Variants in NBEA observed in about 807,000 individuals in gnomAD.
NBEA encodes the protein neurobeachin.
In NBEA, 44 loss-of-function variants were observed where a neutral mutation model predicts 343.4. The ratio of observed to expected loss-of-function variants is 0.13; its 90% confidence interval spans 0.10 to 0.16. The LOEUF (loss-of-function observed/expected upper bound fraction) is 0.16. Among genes scored for constraint, NBEA ranks in the 10% least tolerant of loss-of-function variants. The pLI is 1.00. For synonymous variants in NBEA, 1,175 were observed against 1,238.7 expected (o/e 0.95, Z 1.08); for missense variants, 2,555 against 3,631.3 (o/e 0.70, Z 7.62).
At chr13:35,591,491 A>G (rs1018473726) in intron 46 of NBEA, among the ~76,000 whole-genome samples, 1 of 152,070 alleles carries the variant, frequency 6.6e-6, no homozygotes, top group Non-Finnish European at 1.5e-5. Context: ...AAACAGCAAT[A>G]TGGACTTCTT....
rs988152238 is a variant in NBEA, at chr13:35,664,229, C to G, written c.8363-856C>G. 2.0e-5 allele frequency among the ~76,000 whole-genome samples: 3 copies of G among 152,086 alleles called. No homozygotes were observed. The East Asian group carries it at 5.8e-4, about 30-fold the overall frequency. On this transcript the variant is annotated intron_variant, in intron 55 of 58. Transcript: ENST00000379939. The stretch of plus-strand genomic sequence containing the variant: ...CTGCCAGCCCTGGAACATTTAACTT[C>G]CCCCAACCCCAGTGAGGGCCAGTAG...
Position 35,155,761 on chromosome 13 carries a change from C to T in NBEA, c.2446-13C>T. The T allele has an allele frequency of 6.3e-7, 1 of 1,583,940 alleles. No homozygotes were observed. Among genetic ancestry groups the T allele is most frequent in the Non-Finnish European group, 8.7e-7 (1 of 1,154,256 alleles). On this transcript the variant is annotated splice_polypyrimidine_tract_variant and intron_variant, in intron 18 of 58. Transcript: ENST00000379939. ...TTGTTTTCTAAATGAAGTTCAAATT[C>T]TTCATTTTTCAGATCTTGACAGAAC...
intron 1 of NBEA, among the ~76,000 whole-genome samples, chr13:35,004,911 T>G (rs1409121477): frequency 4.6e-5 from 7 of 152,182 alleles, no homozygotes; most frequent in African/African-American, 1.7e-4. Context: ...AAAATAGAGC[T>G]TTTGTCTTAT....
rs185953285 is a variant in NBEA at position 35,203,715 on chromosome 13, G to A, written c.5367-4985G>A. ...ATGATGGAAGAATTCACACTTACATGTATTACTTATTAGTCAATTTATTAA... is the reference window on the plus strand; with the variant it reads ...ATGATGGAAGAATTCACACTTACATATATTACTTATTAGTCAATTTATTAA... On this transcript the variant is annotated intron_variant, in intron 31 of 58. Coordinates refer to ENST00000379939, the MANE Select transcript of NBEA (RefSeq NM_001385012.1). Among the ~76,000 whole-genome samples the A allele has an allele frequency of 4.0e-3, 611 of 152,208 alleles. 3 individuals carry two copies. The highest frequency in any genetic ancestry group is 0.014 in the African/African-American group (590 of 41,540).
At chr13:35,368,952 C>A (rs2041275121) in intron 38 of NBEA, among the ~76,000 whole-genome samples, 2 of 151,636 alleles carry the variant, frequency 1.3e-5, no homozygotes, top group African/African-American at 2.4e-5. Context: ...CTATTCTAGC[C>A]TCTGACCAAT....
chr13:35,190,019 A>G (rs1453685178), intron 30 of NBEA, among the ~76,000 whole-genome samples: 1 of 152,140 alleles, frequency 6.6e-6, no homozygotes, highest in Non-Finnish European at 1.5e-5. Context: ...CCAGTAGTCT[A>G]GCAGCCACTG....
rs549172552 is a variant in NBEA, at chr13:35,301,170, GT to G, written c.5839-8345del. Among the ~76,000 whole-genome samples the G allele has an allele frequency of 7.5e-3, 1,071 of 142,698 alleles. 2 individuals are homozygous for G. The highest frequency in any genetic ancestry group is 0.014 in the African/African-American group (559 of 38,916). 93.6% of individuals were successfully genotyped at this position (142,698 alleles called of 152,430 possible). The stretch of plus-strand genomic sequence containing the variant: ...CCACAACAATGAGAGTCCACAATAT[GT>G]TTTTTTTTTTTTAATTTTACTTTAA... On this transcript the variant is annotated intron_variant, in intron 35 of 58. Transcript: ENST00000379939.
At chr13:35,062,702 A>G (rs1414789560) in intron 8 of NBEA, among the ~76,000 whole-genome samples, 1 of 151,880 alleles carries the variant, frequency 6.6e-6, no homozygotes, top group Non-Finnish European at 1.5e-5. Flanking sequence ...AAGTTCTGAA[A>G]GGAAGAAAAA....
intron 49 of NBEA, among the ~76,000 whole-genome samples, chr13:35,631,084 C>T (rs2083431665): frequency 6.6e-6 from 1 of 152,200 alleles, no homozygotes; most frequent in Non-Finnish European, 1.5e-5. Flanking sequence ...CGAGAGCCCA[C>T]CTGAATCCTG....
rs867793188 is a variant in NBEA, at chr13:35,422,547, G to A, written c.6180-9722G>A. ...CCACATTTTCTTAATCCAGTCTATC[G>A]TTGTTGGACATTTGGGTTGGTTCCA... is the stretch of plus-strand genomic sequence containing the variant. On this transcript the variant is annotated intron_variant, in intron 38 of 58. Coordinates refer to ENST00000379939, the MANE Select transcript of NBEA (RefSeq NM_001385012.1). Among the ~76,000 whole-genome samples the A allele has an allele frequency of 9.5e-4, 144 of 151,828 alleles. 1 individual carries two copies. In the South Asian group the frequency reaches 0.019, roughly 20 times the overall value.
intron 36 of NBEA, among the ~76,000 whole-genome samples, chr13:35,336,066 G>A (rs2039238989): frequency 6.6e-6 from 1 of 151,958 alleles, no homozygotes; most frequent in African/African-American, 2.4e-5. Flanking sequence ...GGAATTTAAG[G>A]AAATCTCTAT....
At chr13:35,166,983 T>C (rs1163725611) in intron 24 of NBEA, among the ~76,000 whole-genome samples, 1 of 152,036 alleles carries the variant, frequency 6.6e-6, no homozygotes, top group Non-Finnish European at 1.5e-5. Flanking sequence ...ATCCTAGATA[T>C]ATGAAGAGAG....
At chr13:35,165,006 C>G in intron 24 of NBEA, 2 of 488,696 alleles carry the variant, frequency 4.1e-6, no homozygotes, top group Middle Eastern at 3.4e-4. Flanking sequence ...TCATTAAAAA[C>G]AAATTCTTTG....
At chr13:35,125,824 G>GCATA (rs148274320) in intron 17 of NBEA, among the ~76,000 whole-genome samples, 8,429 of 151,364 alleles carry the variant, frequency 0.056, 260 homozygotes, top group East Asian at 0.13. Context: ...ATAAACAAAT[G>GCATA]CATACATACA....
At chr13:34,943,536 T>A (rs1386340996) in intron 1 of NBEA, among the ~76,000 whole-genome samples, 1 of 152,066 alleles carries the variant, frequency 6.6e-6, no homozygotes, top group Non-Finnish European at 1.5e-5. Flanking sequence ...GGAGCCTAAA[T>A]TCCCCCGTGC....
chr13:35,583,145 A>C (rs1000555588), intron 45 of NBEA, among the ~76,000 whole-genome samples: 1 of 152,212 alleles, frequency 6.6e-6, no homozygotes, highest in Admixed American at 6.5e-5. Context: ...TGAAATCATG[A>C]AGATGGTATG....
Position 35,041,061 on chromosome 13 carries a change from A to G in NBEA, c.423A>G (p.Thr141=), listed in dbSNP as rs180953445. 892 of 1,613,288 alleles carry G rather than the reference A, an allele frequency of 5.5e-4. No homozygotes were observed. Among genetic ancestry groups the G allele is most frequent in the Admixed American group, 7.8e-4 (47 of 59,944 alleles). Residue 141 remains threonine (T), a synonymous_variant, in exon 2 of 59, where the codon ACA becomes ACG. Coordinates refer to ENST00000379939, the MANE Select transcript of NBEA (RefSeq NM_001385012.1). ...TCQAEIWSMF[T]AILRKSVRNL... ...AAGCAGAAATATGGAGCATGTTTACAGCCATTCTACGAAAAAGTGTTCGGA... is the reference window on the plus strand; with the variant it reads ...AAGCAGAAATATGGAGCATGTTTACGGCCATTCTACGAAAAAGTGTTCGGA...
rs143984552 is a variant in NBEA at position 35,501,272 on chromosome 13, C to T, written c.6585+28736C>T. ...CAATATGGTTTAAAACTCTCAGAAGCACATTTTTACTGCTTACCCTTTTTC... is the reference window on the plus strand; with the variant it reads ...CAATATGGTTTAAAACTCTCAGAAGTACATTTTTACTGCTTACCCTTTTTC... On this transcript the variant is annotated intron_variant, in intron 41 of 58. Transcript: ENST00000379939. Among the ~76,000 whole-genome samples the T allele has an allele frequency of 4.6e-5, 7 of 152,180 alleles. No individual in the cohort carries two copies. The East Asian group carries it at 1.4e-3, about 30-fold the overall frequency.
intron 34 of NBEA, among the ~76,000 whole-genome samples, chr13:35,287,533 C>T (rs918110945): frequency 2.0e-5 from 3 of 152,060 alleles, no homozygotes; most frequent in Non-Finnish European, 4.4e-5. Context: ...ATTCATCCAT[C>T]CCCCAAGCTA....
Sources: allele counts gnomAD v4.1 joint callset (sites outside exome capture counted in the v4.1 genomes callset), GRCh38; gene constraint gnomAD v4.1.1; transcripts MANE v1.5; gene names NCBI Gene and HGNC (gene_info 2026-07-23, HGNC 2026-07-21).